The following XYLT1 variants were observed in gnomAD, a reference collection of about 807,000 sequenced individuals.
XYLT1 encodes the protein xylosyltransferase 1.
XYLT1 carries 36 observed loss-of-function variants against 91.3 expected under a neutral mutation model. The observed-to-expected ratio is 0.39, with a 90% CI of 0.30 to 0.52. The LOEUF (loss-of-function observed/expected upper bound fraction) is 0.52. XYLT1 is among the 20% of genes least tolerant of loss of function. The probability of loss-of-function intolerance (pLI) is 0.68; values close to 1 mark genes in which losing one functional copy is unlikely to be tolerated. For synonymous variants in XYLT1, 588 were observed against 532.0 expected, an observed-to-expected ratio of 1.11 and a Z score of -1.45; for missense variants, 1,242 against 1,284.5, an observed-to-expected ratio of 0.97 and a Z score of 0.51.
At chr16:17,315,451 C>CAGGGG (rs2034615145) in intron 2 of XYLT1, among the ~76,000 whole-genome samples, 5 of 152,220 alleles carry the variant, frequency 3.3e-5, no homozygotes, top group Non-Finnish European at 7.3e-5. Context: ...TTCTCGCTCC[C>CAGGGG]CTAACTCTCA....
At chr16:17,158,755 G>C in intron 6 of XYLT1, 74 bp downstream of exon 6, 2 of 1,531,286 alleles carry the variant, frequency 1.3e-6, no homozygotes, top group East Asian at 4.5e-5. Context: ...CATGAAACCA[G>C]CCTAGAAAAT....
At chr16:17,169,473 A>G (rs983151709) in intron 5 of XYLT1, among the ~76,000 whole-genome samples, 5 of 152,210 alleles carry the variant, frequency 3.3e-5, no homozygotes, top group Non-Finnish European at 7.4e-5. Context: ...CATTTTAAAC[A>G]TACATATGCC....
intron 2 of XYLT1, among the ~76,000 whole-genome samples, chr16:17,320,362 T>C (rs1485606663): frequency 1.3e-5 from 2 of 152,132 alleles, no homozygotes; most frequent in African/African-American, 4.8e-5. Context: ...TAACCCACTA[T>C]GAAGACCCTC....
chr16:17,324,605 C>T (rs968296118), intron 2 of XYLT1, among the ~76,000 whole-genome samples: 2 of 152,242 alleles, frequency 1.3e-5, no homozygotes, highest in South Asian at 2.1e-4. Flanking sequence ...AGCGCGTCTT[C>T]GTGCACACAG....
intron 2 of XYLT1, among the ~76,000 whole-genome samples, chr16:17,355,902 T>C (rs550578609): frequency 6.6e-6 from 1 of 152,108 alleles, no homozygotes; most frequent in African/African-American, 2.4e-5. Flanking sequence ...TCAGTAGAGA[T>C]GGGGTTTCAC....
chr16:17,270,172 A>C (rs1225643922), intron 2 of XYLT1, among the ~76,000 whole-genome samples: 1 of 152,220 alleles, frequency 6.6e-6, no homozygotes, highest in Non-Finnish European at 1.5e-5. Context: ...GTTCAGTTCC[A>C]TGCTGGATGC....
intron 2 of XYLT1, among the ~76,000 whole-genome samples, chr16:17,300,513 G>A (rs1464223155): frequency 2.3e-5 from 3 of 128,226 alleles, no homozygotes; most frequent in Non-Finnish European, 4.6e-5. Flanking sequence ...CTGGAGTGCA[G>A]CGGCACGATC....
rs1597148327 is a variant in XYLT1 at position 17,140,934 on chromosome 16, T to C, written c.1587+219A>G. Among the ~76,000 whole-genome samples, 4 of 152,338 alleles carry C rather than the reference T, an allele frequency of 2.6e-5. No individual in the cohort carries two copies. In the South Asian group the frequency reaches 8.3e-4, roughly 32 times the overall value. On this transcript the variant is annotated intron_variant, in intron 7 of 11. Coordinates refer to ENST00000261381, the MANE Select transcript of XYLT1 (RefSeq NM_022166.4). ...TTTTCTATTTTGCACAAAGACACTG[T>C]GTGGACTGCCGGTGGTAGCACCGTG...
At chr16:17,202,346 T>C (rs1328979577) in intron 3 of XYLT1, among the ~76,000 whole-genome samples, 1 of 152,226 alleles carries the variant, frequency 6.6e-6, no homozygotes, top group Non-Finnish European at 1.5e-5. Flanking sequence ...AACGAGGCTC[T>C]TTCTACGTAG....
intron 2 of XYLT1, among the ~76,000 whole-genome samples, chr16:17,288,516 C>T (rs2034174499): frequency 6.6e-6 from 1 of 152,150 alleles, no homozygotes. Context: ...AAGCAATGGC[C>T]TGCTGTATGC....
chr16:17,345,235 CA>C (rs2035128461), intron 2 of XYLT1, among the ~76,000 whole-genome samples: 1 of 152,222 alleles, frequency 6.6e-6, no homozygotes, highest in Admixed American at 6.5e-5. Context: ...TGCACGCAGG[CA>C]AAAAATGTCC....
intron 1 of XYLT1, among the ~76,000 whole-genome samples, chr16:17,396,078 G>A (rs141069744): frequency 2.0e-5 from 3 of 152,302 alleles, no homozygotes; most frequent in Non-Finnish European, 4.4e-5. Flanking sequence ...AAAAACAAAG[G>A]CGTCTGGCTT....
chr16:17,197,639 C>G (rs6498668), intron 5 of XYLT1, among the ~76,000 whole-genome samples: 24,858 of 152,124 alleles, frequency 0.16, 2,205 homozygotes, highest in African/African-American at 0.21. Flanking sequence ...TAAAAGCAGG[C>G]AGAACGTGGA....
At chr16:17,317,597 T>TCCAGCCTGGG (rs1567371709) in intron 2 of XYLT1, among the ~76,000 whole-genome samples, 1 of 114,686 alleles carries the variant, frequency 8.7e-6, no homozygotes, top group Admixed American at 1.4e-4. Context: ...ACCACTGCAC[T>TCCAGCCTGGG]CCAGCCTGGG....
intron 11 of XYLT1, among the ~76,000 whole-genome samples, 156 bp from the exon 12 acceptor site, chr16:17,109,173 T>G (rs1966820559): frequency 6.6e-6 from 1 of 152,206 alleles, no homozygotes; most frequent in African/African-American, 2.4e-5. Context: ...CAGTCCCATT[T>G]CACAGCTGAG....
intron 2 of XYLT1, among the ~76,000 whole-genome samples, chr16:17,322,937 T>C (rs1307186917): frequency 6.6e-6 from 1 of 152,192 alleles, no homozygotes; most frequent in Non-Finnish European, 1.5e-5. Context: ...GATGAAAGCT[T>C]GTGGCTGAAT....
intron 2 of XYLT1, among the ~76,000 whole-genome samples, chr16:17,351,748 T>TGGGGG (rs1272173955): frequency 5.6e-5 from 6 of 106,360 alleles, no homozygotes; most frequent in African/African-American, 2.9e-4. Context: ...GGCTTTTTTT[T>TGGGGG]TGGGGGGGGG....
chr16:17,108,952 G>C lies in XYLT1; in HGVS notation c.2623C>G (p.Leu875Val), dbSNP rs1301174024. 1 of 1,589,648 alleles carries C rather than the reference G, an allele frequency of 6.3e-7. No individual in the cohort carries two copies. Among genetic ancestry groups the C allele is most frequent in the Admixed American group, 1.7e-5 (1 of 59,158 alleles). Residue 875 changes from leucine (L) to valine (V), a missense_variant, in exon 12 of 12, where the codon CTA (leucine) becomes GTA (valine). Physicochemically the swap from Leu to Val is conservative, Grantham distance 32 (BLOSUM62 1). Transcript: ENST00000261381. ...ATGGGCAGGCTGAGGACGGGGTTTA[G>C]GCTCTGGAAGCTCTGCTCCATGTAG... is the stretch of plus-strand genomic sequence containing the variant. ...NAYMEQSFQS[L>V]NPVLSLPINP...
Position 17,267,925 on chromosome 16 carries a change from T to G in XYLT1, c.403-8427A>C, listed in dbSNP as rs556557065. Among the ~76,000 whole-genome samples, 205 of 151,232 alleles carry G rather than the reference T, an allele frequency of 1.4e-3. 5 individuals carry two copies. The South Asian group carries it at 0.032, about 24-fold the overall frequency. On this transcript the variant is annotated intron_variant, in intron 2 of 11. Coordinates refer to ENST00000261381, the MANE Select transcript of XYLT1 (RefSeq NM_022166.4). ...ATTTAAAACACTTAATACCTAGAAC[T>G]TAATAAATATTAGGTATAATTTATT...
Sources: gnomAD v4.1 joint callset for allele counts (sites outside exome capture counted in the v4.1 genomes callset) on GRCh38, gnomAD v4.1.1 for gene constraint, MANE v1.5 for transcripts, NCBI Gene and HGNC (gene_info 2026-07-23, HGNC 2026-07-21) for gene names.